The following SNX29 variants were observed in gnomAD, a reference collection of about 807,000 sequenced individuals.
The protein encoded by SNX29 is sorting nexin-29.
In SNX29, 78 loss-of-function variants were observed where a neutral mutation model predicts 102.1. The observed-to-expected ratio is 0.76, with a 90% CI of 0.64 to 0.92. The LOEUF (loss-of-function observed/expected upper bound fraction) is 0.92, where lower values mean the gene tolerates loss of function less well. SNX29 is among the 40% of genes least tolerant of loss of function. The probability of loss-of-function intolerance (pLI) is 0.00; values close to 1 mark genes in which losing one functional copy is unlikely to be tolerated. For synonymous variants in SNX29, 580 were observed against 414.5 expected, an observed-to-expected ratio of 1.40 and a Z score of -4.85; for missense variants, 1,280 against 1,061.7, an observed-to-expected ratio of 1.21 and a Z score of -2.86.
At chr16:12,152,806 G>A (rs1265007779) in intron 13 of SNX29, among the ~76,000 whole-genome samples, 1 of 152,200 alleles carries the variant, frequency 6.6e-6, no homozygotes, top group African/African-American at 2.4e-5. Context: ...ACCAGTAATG[G>A]TTCTGTCTCA....
At chr16:12,512,369 AATATATATATATATATAT>A (rs58157322) in intron 19 of SNX29, among the ~76,000 whole-genome samples, 2,341 of 43,880 alleles carry the variant, frequency 0.053, 149 homozygotes, top group Middle Eastern at 0.079. Context: ...GCCCAGGGAA[AATATATATATATATATAT>A]ATATATATAT....
At chr16:12,556,805 T>C (rs1463687304) in intron 20 of SNX29, among the ~76,000 whole-genome samples, 2 of 152,012 alleles carry the variant, frequency 1.3e-5, no homozygotes, top group Admixed American at 1.3e-4. Context: ...CCCCCTTTAC[T>C]AAAGTACAGA....
intron 14 of SNX29, among the ~76,000 whole-genome samples, chr16:12,242,367 A>ATATATAT (rs1208660733): frequency 1.8e-4 from 25 of 141,612 alleles, no homozygotes; most frequent in African/African-American, 6.0e-4. Context: ...ATATATATAT[A>ATATATAT]TTTTTTTTTT....
intron 15 of SNX29, among the ~76,000 whole-genome samples, chr16:12,295,891 G>T (rs763938978): frequency 6.6e-6 from 1 of 151,848 alleles, no homozygotes; most frequent in African/African-American, 2.4e-5. Flanking sequence ...CAACTTCTGC[G>T]CCCAGCGCTT....
intron 14 of SNX29, among the ~76,000 whole-genome samples, chr16:12,235,809 G>GTT (rs1247009301): frequency 2.7e-5 from 4 of 149,564 alleles, no homozygotes; most frequent in African/African-American, 5.1e-5. Flanking sequence ...GTGTGTGTGT[G>GTT]TATGTGTATG....
intron 16 of SNX29, among the ~76,000 whole-genome samples, chr16:12,365,223 A>T (rs1454551216): frequency 6.6e-6 from 1 of 152,160 alleles, no homozygotes; most frequent in South Asian, 2.1e-4. Context: ...GGTTTTAAAC[A>T]TTCAGATACT....
intron 20 of SNX29, among the ~76,000 whole-genome samples, chr16:12,533,709 A>T (rs2076993157): frequency 6.6e-6 from 1 of 151,842 alleles, no homozygotes; most frequent in African/African-American, 2.4e-5. Flanking sequence ...GCCTTGGCAA[A>T]CTCAGGTGCC....
rs115686540 is a variant in SNX29 at position 12,065,079 on chromosome 16, A to G, written c.1243+3433A>G. Among the ~76,000 whole-genome samples, 1,136 of 152,316 alleles carry G rather than the reference A, an allele frequency of 7.5e-3. 14 individuals are homozygous for G. Among genetic ancestry groups the G allele is most frequent in the African/African-American group, 0.026 (1,080 of 41,568 alleles). On this transcript the variant is annotated intron_variant, in intron 9 of 20. Transcript: ENST00000566228. The stretch of plus-strand genomic sequence containing the variant: ...TGTTGGGAGGGAGAAAGGAGCAAAG[A>G]AGGGGGAACCCTGAAAGGAGTTCTC...
At chr16:12,165,719 A>G (rs561803672) in intron 13 of SNX29, among the ~76,000 whole-genome samples, 127 of 152,270 alleles carry the variant, frequency 8.3e-4, no homozygotes, top group Non-Finnish European at 1.7e-3. Flanking sequence ...CGCCGCCACC[A>G]TGCCTGGCAA....
rs576416713 is a variant in SNX29 at position 12,184,101 on chromosome 16, C to T, written c.1596-15500C>T. 2.2e-4 allele frequency among the ~76,000 whole-genome samples: 33 copies of T among 152,300 alleles called. No homozygotes were observed. The South Asian group carries it at 2.9e-3, about 13-fold the overall frequency. Reference sequence around the variant, plus strand: ...AACTTGATTTCACTTTATGGACTCACCCTAATTTCTTTCTTGCGTGAGATC... The same window carrying T: ...AACTTGATTTCACTTTATGGACTCATCCTAATTTCTTTCTTGCGTGAGATC... On this transcript the variant is annotated intron_variant, in intron 13 of 20. Transcript: ENST00000566228.
At chr16:11,995,344 G>A (rs1567505665) in intron 1 of SNX29, among the ~76,000 whole-genome samples, 1 of 152,108 alleles carries the variant, frequency 6.6e-6, no homozygotes. Flanking sequence ...TGGGATTATA[G>A]GTGTGAGCCA....
chr16:12,077,264 G>A (rs1186951422), intron 10 of SNX29, among the ~76,000 whole-genome samples: 1 of 147,980 alleles, frequency 6.8e-6, no homozygotes, highest in Non-Finnish European at 1.5e-5. Context: ...AGTTAACGGA[G>A]TGAGAACCTG....
At chr16:12,494,024 A>G (rs1162375750) in intron 19 of SNX29, among the ~76,000 whole-genome samples, 2 of 151,646 alleles carry the variant, frequency 1.3e-5, no homozygotes, top group Admixed American at 6.6e-5. Context: ...CTTCTGGGGT[A>G]TTTTTCTTAT....
In SNX29 at chr16:12,129,668, C is replaced by T; in HGVS notation, c.1505C>T (p.Ser502Leu). The change falls in exon 13 of 21, where the codon TCA becomes TTA. Residue 502 changes from serine (S) to leucine (L), a missense_variant. Physicochemically the swap from Ser to Leu is moderately radical, Grantham distance 145. Transcript: ENST00000566228. ...CTGCTCGACGGTGAGATGGAGCACT[C>T]AGCCGCGCTCCGGCAAGAGGTGGAC... ...RNLLDGEMEHSAALRQEVDTL... is the reference protein window; with the variant it reads ...RNLLDGEMEHLAALRQEVDTL... The T allele has an allele frequency of 1.2e-6, 2 of 1,611,228 alleles. No homozygotes were observed. The highest frequency in any genetic ancestry group is 1.3e-5 in the African/African-American group (1 of 74,968).
At chr16:12,222,308 G>A (rs181088936) in intron 14 of SNX29, among the ~76,000 whole-genome samples, 53 of 152,330 alleles carry the variant, frequency 3.5e-4, no homozygotes, top group African/African-American at 1.2e-3. Context: ...TCTGCCCACT[G>A]AAACATTCTC....
Position 12,571,061 on chromosome 16 carries a change from T to A in SNX29, c.*2432T>A, listed in dbSNP as rs2079177264. 4.3e-6 allele frequency: 1 copy of A among 232,600 alleles called. No individual in the cohort carries two copies. The highest frequency in any genetic ancestry group is 1.8e-4 in the South Asian group (1 of 5,530). The allele number at this position is 232,600 out of a possible 1,614,324, so 14.4% of individuals were successfully genotyped here. Reference sequence around the variant, plus strand: ...CCTCTCATTCTCACTCTAAAAATGCTGGTGGCCCGCACATGACAGCAACTC... The same window carrying A: ...CCTCTCATTCTCACTCTAAAAATGCAGGTGGCCCGCACATGACAGCAACTC... On this transcript the variant is annotated 3_prime_UTR_variant, in exon 21 of 21. Transcript: ENST00000566228.
chr16:12,242,648 GTCTTC>G (rs756663320), intron 14 of SNX29, among the ~76,000 whole-genome samples: 74 of 138,166 alleles, frequency 5.4e-4, no homozygotes, highest in African/African-American at 1.7e-3. Context: ...TTTTCTTCTT[GTCTTC>G]TCTTCTCTTT....
intron 13 of SNX29, among the ~76,000 whole-genome samples, chr16:12,173,640 T>C (rs1287145583): frequency 2.0e-5 from 3 of 152,208 alleles, no homozygotes; most frequent in African/African-American, 7.2e-5. Context: ...GCCAAACACC[T>C]TCTGCTTCTG....
intron 4 of SNX29, among the ~76,000 whole-genome samples, chr16:12,040,561 T>C (rs1223733045): frequency 6.6e-6 from 1 of 152,148 alleles, no homozygotes; most frequent in Non-Finnish European, 1.5e-5. Context: ...TAATTCGACA[T>C]GTGGAAATCT....
Sources: gnomAD v4.1 joint callset for allele counts (sites outside exome capture counted in the v4.1 genomes callset) on GRCh38, gnomAD v4.1.1 for gene constraint, MANE v1.5 for transcripts, NCBI Gene and HGNC (gene_info 2026-07-23, HGNC 2026-07-21) for gene names.